The following UNC13C variants were observed in gnomAD, a reference collection of about 807,000 sequenced individuals.
UNC13C encodes unc-13 homolog C.
UNC13C carries 174 observed loss-of-function variants against 245.4 expected under a neutral mutation model. That is an observed-to-expected ratio of 0.71 (90% CI 0.63 to 0.80). The LOEUF (loss-of-function observed/expected upper bound fraction) is 0.80, where lower values mean the gene tolerates loss of function less well. UNC13C is among the 30% of genes least tolerant of loss of function. The pLI is 0.00. For synonymous variants in UNC13C, 992 were observed against 895.1 expected, an observed-to-expected ratio of 1.11 and a Z score of -1.93; for missense variants, 2,829 against 2,602.9, an observed-to-expected ratio of 1.09 and a Z score of -1.89.
At chr15:54,059,218 TA>T (rs36176476) in intron 2 of UNC13C, among the ~76,000 whole-genome samples, 149,194 of 152,148 alleles carry the variant, frequency 0.98, 73,222 homozygotes, top group Middle Eastern at 1. Flanking sequence ...AAAACCCCAT[TA>T]GCCTCAGCCC....
intron 19 of UNC13C, among the ~76,000 whole-genome samples, chr15:54,430,502 A>AAT (rs1304335343): frequency 1.3e-5 from 2 of 151,326 alleles, no homozygotes. Context: ...GACATTTTTT[A>AAT]ATGTGTTAAT....
intron 4 of UNC13C, among the ~76,000 whole-genome samples, chr15:54,173,683 A>T (rs1381624498): frequency 6.6e-6 from 1 of 151,970 alleles, no homozygotes; most frequent in Non-Finnish European, 1.5e-5. Context: ...TTCCTTTCCA[A>T]AGTGTATGGG....
chr15:54,153,758 G>T (rs1011863672), intron 4 of UNC13C, among the ~76,000 whole-genome samples: 4 of 151,924 alleles, frequency 2.6e-5, no homozygotes, highest in African/African-American at 9.7e-5. Context: ...ATTTGCAAAG[G>T]AATTTCAGGA....
At chr15:54,408,208 A>C (rs935370951) in intron 18 of UNC13C, among the ~76,000 whole-genome samples, 1 of 144,218 alleles carries the variant, frequency 6.9e-6, no homozygotes, top group Admixed American at 6.8e-5. Context: ...TCAAAAAAAA[A>C]AAAAAAAAAA....
intron 7 of UNC13C, among the ~76,000 whole-genome samples, chr15:54,250,008 T>C (rs2036100915): frequency 6.6e-6 from 1 of 152,188 alleles, no homozygotes; most frequent in African/African-American, 2.4e-5. Flanking sequence ...TAGGGAGTTC[T>C]TTGTGTACAG....
chr15:54,244,304 T>G (rs1052619868), intron 7 of UNC13C, among the ~76,000 whole-genome samples: 1 of 152,142 alleles, frequency 6.6e-6, no homozygotes, highest in Non-Finnish European at 1.5e-5. Flanking sequence ...TTGTTTCTTA[T>G]TTCTCTATTC....
chr15:54,030,184 A>G (rs1896298205), intron 2 of UNC13C, among the ~76,000 whole-genome samples: 1 of 151,314 alleles, frequency 6.6e-6, no homozygotes, highest in South Asian at 2.1e-4. Flanking sequence ...CAAACTACCC[A>G]CCCCCATGTC....
intron 4 of UNC13C, among the ~76,000 whole-genome samples, chr15:54,181,714 T>A (rs758627128): frequency 6.6e-6 from 1 of 152,014 alleles, no homozygotes; most frequent in African/African-American, 2.4e-5. Context: ...GTTTCACCTA[T>A]AATTTCTTTT....
chr15:54,379,248 G>T (rs1362188554), intron 17 of UNC13C, among the ~76,000 whole-genome samples: 1 of 152,000 alleles, frequency 6.6e-6, no homozygotes, highest in African/African-American at 2.4e-5. Context: ...TCAACAGCTA[G>T]AAAGGATACT....
At chr15:54,143,874 T>C (rs1406715703) in intron 4 of UNC13C, among the ~76,000 whole-genome samples, 190 bp downstream of exon 4, 1 of 147,194 alleles carries the variant, frequency 6.8e-6, no homozygotes, top group Non-Finnish European at 1.5e-5. Flanking sequence ...AAAACAATTC[T>C]AAAAATATGA....
intron 17 of UNC13C, among the ~76,000 whole-genome samples, chr15:54,362,599 G>A (rs982605586): frequency 1.3e-5 from 2 of 152,086 alleles, no homozygotes; most frequent in Non-Finnish European, 2.9e-5. Flanking sequence ...CACAAAAACG[G>A]AGTTATAGAA....
chr15:54,346,958 T>A (rs2038873348), intron 17 of UNC13C, among the ~76,000 whole-genome samples: 1 of 152,140 alleles, frequency 6.6e-6, no homozygotes, highest in Non-Finnish European at 1.5e-5. Context: ...TCAAACAGAT[T>A]GAAAGTGTTT....
At chr15:54,147,377 G>A (rs1003502103) in intron 4 of UNC13C, among the ~76,000 whole-genome samples, 5 of 151,934 alleles carry the variant, frequency 3.3e-5, no homozygotes, top group Non-Finnish European at 7.4e-5. Flanking sequence ...CCTCCACCAC[G>A]CCCGGCCATT....
chr15:54,270,967 A>G (rs1381040717), intron 10 of UNC13C, among the ~76,000 whole-genome samples: 1 of 152,180 alleles, frequency 6.6e-6, no homozygotes, highest in African/African-American at 2.4e-5. Context: ...AGGTAGTTGA[A>G]ATAATTTTTC....
At position 54,298,967 on chromosome 15, in the gene UNC13C, C is replaced by T. The variant is rs547290875; in HGVS notation, c.4104+1041C>T. On this transcript the variant is annotated intron_variant, in intron 12 of 32. Coordinates refer to ENST00000260323, the MANE Select transcript of UNC13C (RefSeq NM_001080534.3). The stretch of plus-strand genomic sequence containing the variant: ...TTTTACTAAGAAAGAAATGAGGAAC[C>T]GTGTTTAAATCGTGTGTATATTACA... Among the ~76,000 whole-genome samples the T allele has an allele frequency of 6.6e-5, 10 of 151,936 alleles. No individual in the cohort carries two copies. In the South Asian group the frequency reaches 8.4e-4, roughly 13 times the overall value.
chr15:54,456,167 T>C (rs1035147931), intron 19 of UNC13C, among the ~76,000 whole-genome samples: 4 of 152,188 alleles, frequency 2.6e-5, no homozygotes, highest in Non-Finnish European at 4.4e-5. Context: ...TGTGAGGATT[T>C]GGCCTCACTT....
At chr15:53,929,897 C>T in the UNC13C span, among the ~76,000 whole-genome samples, 18 of 152,162 alleles carry the variant, frequency 1.2e-4, no homozygotes, top group Admixed American at 3.3e-4. Flanking sequence ...AAGATGCTAC[C>T]GGTGATACAG....
chr15:54,076,478 T>C (rs550379758), intron 2 of UNC13C, among the ~76,000 whole-genome samples: 1 of 152,178 alleles, frequency 6.6e-6, no homozygotes, highest in South Asian at 2.1e-4. Context: ...ATGGTGTAGA[T>C]TCTTATACTG....
chr15:54,069,259 G>T (rs1044163316), intron 2 of UNC13C, among the ~76,000 whole-genome samples: 3 of 152,158 alleles, frequency 2.0e-5, no homozygotes, highest in African/African-American at 7.2e-5. Flanking sequence ...AGAGAAAAGG[G>T]CTGGACTACT....
Sources: allele counts gnomAD v4.1 joint callset (sites outside exome capture counted in the v4.1 genomes callset), GRCh38; gene constraint gnomAD v4.1.1; transcripts MANE v1.5; gene names NCBI Gene and HGNC (gene_info 2026-07-23, HGNC 2026-07-21).